The following SNX29 variants were observed in gnomAD, a reference collection of about 807,000 sequenced individuals.
The protein encoded by SNX29 is sorting nexin 29, also known as sorting nexin-29.
SNX29 carries 78 observed loss-of-function variants against 102.1 expected under a neutral mutation model. The ratio of observed to expected loss-of-function variants is 0.76; its 90% CI spans 0.64 to 0.92. SNX29 has a LOEUF of 0.92. Ranked by LOEUF, SNX29 falls within the 40% of genes least tolerant of loss-of-function variation. The pLI, the probability that SNX29 is intolerant of heterozygous loss-of-function variation, is 0.00. For synonymous variants in SNX29, 580 were observed against 414.5 expected (o/e 1.40, Z -4.85); for missense variants, 1,280 against 1,061.7 (o/e 1.21, Z -2.86).
intron 1 of SNX29, among the ~76,000 whole-genome samples, chr16:11,989,067 G>T (rs1291189327): frequency 6.6e-6 from 1 of 151,934 alleles, no homozygotes; most frequent in Non-Finnish European, 1.5e-5. Context: ...TAACCCCTTT[G>T]GGTTCAAGCG....
chr16:12,537,662 T>G (rs147791477), intron 20 of SNX29, among the ~76,000 whole-genome samples: 1 of 152,216 alleles, frequency 6.6e-6, no homozygotes, highest in Non-Finnish European at 1.5e-5. Flanking sequence ...TTTGCCCTAC[T>G]TCATGTCTTT....
intron 15 of SNX29, among the ~76,000 whole-genome samples, chr16:12,288,432 C>T (rs1286366946): frequency 6.6e-6 from 1 of 152,190 alleles, no homozygotes; most frequent in Non-Finnish European, 1.5e-5. Flanking sequence ...CCCTGAGCTG[C>T]CACCCTCTGT....
Position 12,410,064 on chromosome 16 carries a change from G to C in SNX29, c.2037+6535G>C, listed in dbSNP as rs145139466. 7.4e-3 allele frequency among the ~76,000 whole-genome samples: 1,118 copies of C among 152,006 alleles called. 16 individuals are homozygous for C. Among genetic ancestry groups the C allele is most frequent in the African/African-American group, 0.025 (1,039 of 41,448 alleles). ...GGCTGGAGTGCAGTAGCGCAATCTC[G>C]GTTCACTGCAAGCTCCACCTCCCGG... is the stretch of plus-strand genomic sequence containing the variant. On this transcript the variant is annotated intron_variant, in intron 18 of 20. Coordinates refer to ENST00000566228, the MANE Select transcript of SNX29 (RefSeq NM_032167.5).
At position 12,044,351 on chromosome 16, in the gene SNX29, A is replaced by T. The variant is rs188283796; in HGVS notation, c.428+1274A>T. ...CTGGTAATGTCTCAGATCTTCTGGG[A>T]TTGTGCACTGGGGCTCTTAAAAATA... is the stretch of plus-strand genomic sequence containing the variant. On this transcript the variant is annotated intron_variant, in intron 5 of 20. Transcript: ENST00000566228. Among the ~76,000 whole-genome samples the T allele has an allele frequency of 5.3e-3, 807 of 152,058 alleles. 1 individual carries two copies. Among genetic ancestry groups the T allele is most frequent in the South Asian group, 8.3e-3 (40 of 4,818 alleles).
chr16:12,353,396 A>C (rs1380596707), intron 15 of SNX29, among the ~76,000 whole-genome samples: 1 of 150,954 alleles, frequency 6.6e-6, no homozygotes, highest in African/African-American at 2.5e-5. Flanking sequence ...ATCCTGCCCC[A>C]GATGTGCTGC....
intron 4 of SNX29, among the ~76,000 whole-genome samples, chr16:12,038,439 G>C (rs1466716474): frequency 6.6e-6 from 1 of 152,182 alleles, no homozygotes; most frequent in Non-Finnish European, 1.5e-5. Flanking sequence ...ACTTGTTCTT[G>C]TTGGCATTCG....
intron 15 of SNX29, among the ~76,000 whole-genome samples, chr16:12,334,895 C>T (rs895219000): frequency 7.9e-5 from 5 of 62,932 alleles, no homozygotes; most frequent in Non-Finnish European, 1.5e-4. Flanking sequence ...TTATCAGCCC[C>T]AGAGCCTTTT....
intron 16 of SNX29, among the ~76,000 whole-genome samples, chr16:12,397,676 A>T (rs545571332): frequency 2.0e-5 from 3 of 152,350 alleles, no homozygotes; most frequent in Admixed American, 2.0e-4. Context: ...AAATATCAAC[A>T]TTTATTGAAC....
At chr16:12,314,693 C>A (rs1419529433) in intron 15 of SNX29, among the ~76,000 whole-genome samples, 1 of 152,208 alleles carries the variant, frequency 6.6e-6, no homozygotes, top group Non-Finnish European at 1.5e-5. Flanking sequence ...GATTCTACAG[C>A]TTGGTGGATT....
chr16:12,486,122 T>A (rs1054835987), intron 19 of SNX29, among the ~76,000 whole-genome samples: 3 of 152,246 alleles, frequency 2.0e-5, no homozygotes, highest in Non-Finnish European at 4.4e-5. Context: ...CTTTTCCAGC[T>A]TAGAGGCTGC....
intron 11 of SNX29, among the ~76,000 whole-genome samples, chr16:12,090,746 C>G (rs1023051840): frequency 6.6e-6 from 1 of 152,094 alleles, no homozygotes; most frequent in Non-Finnish European, 1.5e-5. Flanking sequence ...TATGGAGGCT[C>G]ACACCTGTAA....
chr16:12,567,669 A>G (rs928898578), intron 20 of SNX29, among the ~76,000 whole-genome samples: 1 of 152,166 alleles, frequency 6.6e-6, no homozygotes, highest in Non-Finnish European at 1.5e-5. Context: ...GGCTGAGGTG[A>G]GAGGATCACT....
chr16:12,331,461 C>CT (rs1189965543), intron 15 of SNX29, among the ~76,000 whole-genome samples: 1 of 152,180 alleles, frequency 6.6e-6, no homozygotes, highest in African/African-American at 2.4e-5. Context: ...GGTGTTGTAT[C>CT]TGACACACTG....
At chr16:12,356,325 C>T in intron 16 of SNX29, 46 bp downstream of exon 16, 2 of 1,515,362 alleles carry the variant, frequency 1.3e-6, no homozygotes, top group Non-Finnish European at 1.8e-6. Context: ...CTCTGCTGCC[C>T]ACAGCCCAGT....
intron 13 of SNX29, among the ~76,000 whole-genome samples, chr16:12,183,876 T>A (rs753139088): frequency 9.9e-5 from 15 of 152,214 alleles, no homozygotes; most frequent in Non-Finnish European, 1.9e-4. Context: ...ATCACTGCTA[T>A]GTGACAGTCC....
At chr16:12,195,987 T>C (rs1310951447) in intron 13 of SNX29, among the ~76,000 whole-genome samples, 3 of 91,008 alleles carry the variant, frequency 3.3e-5, no homozygotes, top group Non-Finnish European at 5.3e-5. Context: ...TTCTTTTCCT[T>C]TTTTTTTTTT....
intron 15 of SNX29, among the ~76,000 whole-genome samples, chr16:12,287,779 G>A (rs1567400381): frequency 6.6e-6 from 1 of 152,162 alleles, no homozygotes; most frequent in Non-Finnish European, 1.5e-5. Context: ...TCTCTTCAGT[G>A]TCTTTTAATC....
intron 19 of SNX29, among the ~76,000 whole-genome samples, chr16:12,510,907 C>T (rs1423219245): frequency 6.6e-6 from 1 of 152,100 alleles, no homozygotes; most frequent in African/African-American, 2.4e-5. Context: ...AAGGAGTCAT[C>T]GCAGGTGGGG....
chr16:12,197,781 C>T (rs138977306), intron 13 of SNX29, among the ~76,000 whole-genome samples: 26 of 152,164 alleles, frequency 1.7e-4, no homozygotes, highest in Non-Finnish European at 3.4e-4. Flanking sequence ...GGTTTACTTT[C>T]TCCAGAGCTT....
Sources: gnomAD v4.1 joint callset for allele counts (sites outside exome capture counted in the v4.1 genomes callset) on GRCh38, gnomAD v4.1.1 for gene constraint, MANE v1.5 for transcripts, NCBI Gene and HGNC (gene_info 2026-07-23, HGNC 2026-07-21) for gene names.